The following GCN1 variants were observed in gnomAD, a reference collection of about 807,000 sequenced individuals.
GCN1 encodes GCN1 activator of EIF2AK4.
Under a neutral mutation model 288.4 loss-of-function variants are expected in GCN1, and 90 were observed. The ratio of observed to expected loss-of-function variants is 0.31; its 90% CI spans 0.26 to 0.37. The LOEUF is 0.37. GCN1 is among the 10% of genes least tolerant of loss of function. The pLI, the probability that GCN1 is intolerant of heterozygous loss-of-function variation, is 1.00. For missense variants in GCN1, 2,586 were observed against 3,419.9 expected (o/e 0.76, Z 6.08); for synonymous variants, 1,386 against 1,420.2 (o/e 0.98, Z 0.54).
Position 120,154,955 on chromosome 12 carries a change from GA to G in GCN1, c.3701+14del. 1 of 1,606,908 alleles carries G rather than the reference GA, an allele frequency of 6.2e-7. No individual in the cohort carries two copies. The highest frequency in any genetic ancestry group is 1.7e-5 in the Admixed American group (1 of 60,026). On this transcript the variant is annotated intron_variant, in intron 31 of 57. Coordinates refer to ENST00000300648, the MANE Select transcript of GCN1 (RefSeq NM_006836.2). ...ACAAAGCTTGGAGTAGAACGAGGCT[GA>G]ACAATTGTTATACCTGGCTTCCCAC... is the stretch of plus-strand genomic sequence containing the variant.
At chr12:120,181,464 T>TAAAAAAAAA (rs1489571551) in intron 5 of GCN1, among the ~76,000 whole-genome samples, 1 of 12,262 alleles carries the variant, frequency 8.2e-5, no homozygotes, top group Non-Finnish European at 1.3e-4. Context: ...GATCTTTGTC[T>TAAAAAAAAA]CAAAAAAAAA....
chr12:120,166,401 C>CAAA (rs1190939956), intron 16 of GCN1, among the ~76,000 whole-genome samples: 14 of 44,918 alleles, frequency 3.1e-4, no homozygotes, highest in African/African-American at 1.1e-3. Flanking sequence ...GAGACTGTCT[C>CAAA]AAAAAAAAAA....
rs941557913 is a variant in GCN1 at position 120,127,978 on chromosome 12, T to C, written c.7891-4A>G. 6.2e-7 allele frequency: 1 copy of C among 1,613,790 alleles called. No homozygotes were observed. Among genetic ancestry groups the C allele is most frequent in the South Asian group, 1.1e-5 (1 of 91,066 alleles). On this transcript the variant is annotated splice_region_variant and splice_polypyrimidine_tract_variant and intron_variant, in intron 57 of 57. Coordinates refer to ENST00000300648, the MANE Select transcript of GCN1 (RefSeq NM_006836.2). ...CATCCAGGATCTTGGAGAGGGACTG[T>C]GGGGAAGGATGAGCAGGAGGAAACA...
chr12:120,185,984 T>G (rs919370524), intron 2 of GCN1, among the ~76,000 whole-genome samples: 1 of 151,554 alleles, frequency 6.6e-6, no homozygotes, highest in Non-Finnish European at 1.5e-5. Context: ...AACTCTGGAG[T>G]GAAACAGATA....
intron 24 of GCN1, among the ~76,000 whole-genome samples, chr12:120,159,482 C>T (rs1877859228): frequency 6.6e-6 from 1 of 152,230 alleles, no homozygotes; most frequent in South Asian, 2.1e-4. Context: ...TGTCATGTGG[C>T]TGTTCAGGAG....
At chr12:120,131,594 C>T (rs906135877) in intron 54 of GCN1, among the ~76,000 whole-genome samples, 1 of 152,222 alleles carries the variant, frequency 6.6e-6, no homozygotes, top group Non-Finnish European at 1.5e-5. Context: ...CTCAGGGCTA[C>T]GGGACCACTG....
At position 120,149,733 on chromosome 12, in the gene GCN1, G is replaced by A; in HGVS notation, c.4432-13C>T. 6.2e-7 allele frequency: 1 copy of A among 1,605,672 alleles called. No homozygotes were observed. The highest frequency in any genetic ancestry group is 1.1e-5 in the South Asian group (1 of 90,830). ...AGTCATCTGCAGCCTCAAGGGGGGA[G>A]AAAACACATTCAGGGGCCTCCTCAC... On this transcript the variant is annotated splice_polypyrimidine_tract_variant and intron_variant, in intron 35 of 57. Coordinates refer to ENST00000300648, the MANE Select transcript of GCN1 (RefSeq NM_006836.2).
At chr12:120,147,314 T>C in intron 37 of GCN1, 42 bp from the exon 38 acceptor site, 1 of 1,213,222 alleles carries the variant, frequency 8.2e-7, no homozygotes, top group Non-Finnish European at 1.2e-6. Flanking sequence ...TATACATCTA[T>C]GCAGCTGCAA....
At position 120,193,308 on chromosome 12, in the gene GCN1, A is replaced by AT. The variant is rs937843040; in HGVS notation, c.18+1371dup. ...GTGGCTGGTACAAGTGAAGAACTAA[A>AT]TTTTTTTTTTTTTTGAGACAGAGTC... is the stretch of plus-strand genomic sequence containing the variant. On this transcript the variant is annotated intron_variant, in intron 1 of 57. Coordinates refer to ENST00000300648, the MANE Select transcript of GCN1 (RefSeq NM_006836.2). Among the ~76,000 whole-genome samples the AT allele has an allele frequency of 2.9e-3, 424 of 147,234 alleles. 2 individuals carry two copies. Among genetic ancestry groups the AT allele is most frequent in the South Asian group, 0.015 (69 of 4,644 alleles).
chr12:120,155,099 G>A lies in GCN1; in HGVS notation c.3631-59C>T, dbSNP rs545509740. On this transcript the variant is annotated intron_variant, in intron 30 of 57. Coordinates refer to ENST00000300648, the MANE Select transcript of GCN1 (RefSeq NM_006836.2). This position sits in a 1 kb window ranked among gnomAD's most constrained non-coding sequence, Gnocchi z 4.9. ...GGGCAGATCAATGACCTGGGCACCAGGATTGTGAGGCAGGAAACTAGCCGC... is the reference window on the plus strand; with the variant it reads ...GGGCAGATCAATGACCTGGGCACCAAGATTGTGAGGCAGGAAACTAGCCGC... 1.2e-4 allele frequency: 186 copies of A among 1,543,982 alleles called. No homozygotes were observed. In the African/African-American group the frequency reaches 2.3e-3, roughly 19 times the overall value.
At chr12:120,175,631 C>G in intron 11 of GCN1, 115 bp downstream of exon 11, 1 of 1,098,538 alleles carries the variant, frequency 9.1e-7, no homozygotes. Flanking sequence ...GTCCCCCTGG[C>G]CACACAGCCT....
At chr12:120,172,739 C>T (rs190668741) in intron 14 of GCN1, among the ~76,000 whole-genome samples, 97 of 152,262 alleles carry the variant, frequency 6.4e-4, no homozygotes, top group Admixed American at 1.1e-3. Flanking sequence ...GAACTCCTGA[C>T]CTCAGGTGAT....
intron 31 of GCN1, among the ~76,000 whole-genome samples, chr12:120,154,374 C>T (rs934522702): frequency 2.0e-5 from 3 of 152,250 alleles, no homozygotes; most frequent in Admixed American, 6.5e-5. Flanking sequence ...TGGGCCCATA[C>T]ACCACCCTAC....
chr12:120,134,576 C>G lies in GCN1; in HGVS notation c.7159G>C (p.Glu2387Gln). ...ATGGCGCGGATGCCATTGAGCAGCTCTGTGAAGAGGGGGTCCACCTTAATG... is the reference window on the plus strand; with the variant it reads ...ATGGCGCGGATGCCATTGAGCAGCTGTGTGAAGAGGGGGTCCACCTTAATG... The part of the protein sequence containing the change: ...IHIKVDPLFT[E>Q]LLNGIRAMED... Residue 2387 changes from glutamate (E) to glutamine (Q), a missense_variant, in exon 52 of 58, where the codon GAG becomes CAG. This residue lies in a region of GCN1 where 355 missense variants were observed against 431.1 expected (regional missense o/e 0.82). Coordinates refer to ENST00000300648, the MANE Select transcript of GCN1 (RefSeq NM_006836.2). The surrounding 1 kb of genome is among the most constrained non-coding windows in gnomAD (Gnocchi z 5.0). The G allele has an allele frequency of 6.2e-7, 1 of 1,614,202 alleles. No homozygotes were observed. The highest frequency in any genetic ancestry group is 8.5e-7 in the Non-Finnish European group (1 of 1,180,034).
intron 57 of GCN1, 141 bp downstream of exon 57, chr12:120,129,135 A>C: frequency 1.4e-6 from 1 of 739,570 alleles, no homozygotes; most frequent in Non-Finnish European, 2.3e-6. Context: ...GGCCCCAGTC[A>C]CCCAAATCTT....
intron 45 of GCN1, among the ~76,000 whole-genome samples, chr12:120,139,711 A>C (rs1343898308): frequency 6.6e-6 from 1 of 152,022 alleles, no homozygotes; most frequent in Non-Finnish European, 1.5e-5. Flanking sequence ...TGAATCTTTT[A>C]GGTGAATTCT....
intron 12 of GCN1, among the ~76,000 whole-genome samples, chr12:120,174,811 G>C (rs1321918947): frequency 8.8e-6 from 1 of 114,068 alleles, no homozygotes; most frequent in Non-Finnish European, 1.8e-5. Context: ...AAAAAAAAAA[G>C]CTTATCTACT....
At chr12:120,178,989 T>C (rs1236823896) in intron 5 of GCN1, 39 bp from the exon 6 acceptor site, 1 of 1,533,498 alleles carries the variant, frequency 6.5e-7, no homozygotes, top group Non-Finnish European at 9.0e-7. Context: ...AGGTGGGACA[T>C]GAGACTGAGG....
At chr12:120,152,097 A>C (rs1345559992) in intron 33 of GCN1, among the ~76,000 whole-genome samples, 1 of 152,098 alleles carries the variant, frequency 6.6e-6, no homozygotes, top group African/African-American at 2.4e-5. Flanking sequence ...TGGCACAATC[A>C]TAATTCACTA....
Sources: allele counts gnomAD v4.1 joint callset (sites outside exome capture counted in the v4.1 genomes callset), GRCh38; gene constraint gnomAD v4.1.1; regional missense constraint gnomAD v4.1.1; non-coding constraint Gnocchi (gnomAD v3.1); transcripts MANE v1.5; gene names NCBI Gene and HGNC (gene_info 2026-07-23, HGNC 2026-07-21).